The following CTNNA3 variants were observed in gnomAD, a reference collection of about 807,000 sequenced individuals.
CTNNA3 encodes catenin alpha-3.
CTNNA3 carries 76 observed loss-of-function variants against 95.7 expected under a neutral mutation model. The ratio of observed to expected loss-of-function variants is 0.79; its 90% confidence interval spans 0.66 to 0.96. The LOEUF (loss-of-function observed/expected upper bound fraction) is 0.96, where lower values mean the gene tolerates loss of function less well. Among genes scored for constraint, CTNNA3 ranks in the 40% least tolerant of loss-of-function variants. The pLI is 0.00. For synonymous variants in CTNNA3, 431 were observed against 374.4 expected (o/e 1.15, Z -1.74); for missense variants, 1,191 against 1,089.8 (o/e 1.09, Z -1.31).
chr10:67,738,983 G>A (rs935056558), intron 1 of CTNNA3, among the ~76,000 whole-genome samples: 1 of 152,232 alleles, frequency 6.6e-6, no homozygotes, highest in Non-Finnish European at 1.5e-5. Flanking sequence ...ACCTGAAAGT[G>A]ACGGGGAGAC....
chr10:66,963,910 T>C (rs1486268759), intron 7 of CTNNA3, among the ~76,000 whole-genome samples: 2 of 151,618 alleles, frequency 1.3e-5, no homozygotes, highest in Admixed American at 6.6e-5. Context: ...TGGCGCAATC[T>C]CGGTTCACTG....
chr10:67,176,467 G>A (rs10822995), intron 7 of CTNNA3, among the ~76,000 whole-genome samples: 55,623 of 152,064 alleles, frequency 0.37, 14,581 homozygotes, highest in African/African-American at 0.75. Context: ...CCTGCACAGA[G>A]CTTAAAGTGT....
intron 1 of CTNNA3, among the ~76,000 whole-genome samples, chr10:67,691,150 T>C (rs370083374): frequency 2.1e-4 from 32 of 152,212 alleles, no homozygotes; most frequent in East Asian, 1.9e-3. Flanking sequence ...AGCCTCGGCC[T>C]CCCAAGGTGC....
chr10:66,968,873 T>C (rs1206279700), intron 7 of CTNNA3, among the ~76,000 whole-genome samples: 2 of 151,862 alleles, frequency 1.3e-5, no homozygotes, highest in Admixed American at 1.3e-4. Context: ...AAAAATTAGC[T>C]GGGTGTGGTG....
At chr10:66,961,578 G>T (rs1849110748) in intron 7 of CTNNA3, among the ~76,000 whole-genome samples, 1 of 151,862 alleles carries the variant, frequency 6.6e-6, no homozygotes, top group Non-Finnish European at 1.5e-5. Flanking sequence ...CTTCTCTTTT[G>T]TGTGTAAATT....
At chr10:66,947,149 T>C (rs2132705152) in intron 7 of CTNNA3, among the ~76,000 whole-genome samples, 1 of 152,188 alleles carries the variant, frequency 6.6e-6, no homozygotes, top group Middle Eastern at 3.4e-3. Flanking sequence ...AGAAAAAACT[T>C]GCATAAACTA....
At chr10:66,585,856 T>A (rs1843344117) in intron 10 of CTNNA3, among the ~76,000 whole-genome samples, 1 of 152,148 alleles carries the variant, frequency 6.6e-6, no homozygotes, top group Non-Finnish European at 1.5e-5. Flanking sequence ...GTTTCCAGAA[T>A]TGTTTTTATG....
chr10:67,549,509 TTACTTTTCCCACCAATGA>T (rs1840953398), intron 3 of CTNNA3, among the ~76,000 whole-genome samples: 1 of 152,192 alleles, frequency 6.6e-6, no homozygotes, highest in South Asian at 2.1e-4. Context: ...TCCTTTCTTT[TTACTTTTCCCACCAATGA>T]TACATTCAGT....
intron 13 of CTNNA3, among the ~76,000 whole-genome samples, chr10:66,232,864 C>A (rs10822762): frequency 0.81 from 122,782 of 151,990 alleles, 49,923 homozygotes; most frequent in South Asian, 0.94. Context: ...CATCTGTCAA[C>A]AATCAATTTC....
At chr10:66,349,779 T>C (rs1040831970) in intron 12 of CTNNA3, among the ~76,000 whole-genome samples, 6 of 152,100 alleles carry the variant, frequency 3.9e-5, no homozygotes, top group Admixed American at 3.3e-4. Context: ...GGTGGTTTTA[T>C]GGTCATAAGT....
At chr10:66,132,805 A>C (rs1187851296) in intron 13 of CTNNA3, among the ~76,000 whole-genome samples, 1 of 152,178 alleles carries the variant, frequency 6.6e-6, no homozygotes, top group African/African-American at 2.4e-5. Flanking sequence ...GGAACCAAAA[A>C]CCAAATACCA....
At chr10:67,402,982 C>T (rs1378488877) in intron 5 of CTNNA3, among the ~76,000 whole-genome samples, 1 of 152,208 alleles carries the variant, frequency 6.6e-6, no homozygotes, top group Non-Finnish European at 1.5e-5. Context: ...AAATAAGACC[C>T]ACTGGCTTGG....
chr10:65,924,880 G>T (rs970831774), intron 17 of CTNNA3, among the ~76,000 whole-genome samples: 3 of 152,200 alleles, frequency 2.0e-5, no homozygotes, highest in African/African-American at 7.2e-5. Context: ...TGGCAGGCAA[G>T]AGAGTGTGTG....
chr10:66,285,757 T>C lies in CTNNA3; in HGVS notation c.1733-5136A>G, dbSNP rs1589032048. ...AATTCTCAAATGTTTAAATTATCAATACTATTTTTATTTATGTTATGTTAA... is the reference window on the plus strand; with the variant it reads ...AATTCTCAAATGTTTAAATTATCAACACTATTTTTATTTATGTTATGTTAA... On this transcript the variant is annotated intron_variant, in intron 12 of 17. Transcript: ENST00000433211. Among the ~76,000 whole-genome samples, 3 of 151,886 alleles carry C rather than the reference T, an allele frequency of 2.0e-5. No homozygotes were observed. In the South Asian group the frequency reaches 6.2e-4, roughly 31 times the overall value.
At chr10:66,966,278 A>T in intron 7 of CTNNA3, among the ~76,000 whole-genome samples, 1 of 152,234 alleles carries the variant, frequency 6.6e-6, no homozygotes, top group Middle Eastern at 3.4e-3. Context: ...TGTGTAGACA[A>T]TTAAATTAAT....
chr10:66,053,867 T>C (rs543211437), intron 15 of CTNNA3, among the ~76,000 whole-genome samples: 1 of 152,262 alleles, frequency 6.6e-6, no homozygotes, highest in African/African-American at 2.4e-5. Flanking sequence ...TTATTCCTTT[T>C]ACCCAACTAT....
At chr10:67,367,807 C>T (rs1240343561) in intron 5 of CTNNA3, among the ~76,000 whole-genome samples, 1 of 152,138 alleles carries the variant, frequency 6.6e-6, no homozygotes, top group Non-Finnish European at 1.5e-5. Context: ...AAACAGAAAA[C>T]CACATACTGT....
intron 1 of CTNNA3, among the ~76,000 whole-genome samples, chr10:67,726,605 T>TAATATAATATATATTATATTA (rs1564841333): frequency 1.1e-4 from 3 of 26,986 alleles, no homozygotes; most frequent in African/African-American, 4.3e-4. Context: ...ATATTACATA[T>TAATATAATATATATTATATTA]TATATAATAT....
intron 2 of CTNNA3, among the ~76,000 whole-genome samples, chr10:67,639,277 A>G (rs1323673823): frequency 3.3e-5 from 5 of 152,210 alleles, no homozygotes; most frequent in African/African-American, 1.2e-4. Context: ...AAATTCCTCG[A>G]CACATACACC....
Sources: allele counts gnomAD v4.1 joint callset (sites outside exome capture counted in the v4.1 genomes callset), GRCh38; gene constraint gnomAD v4.1.1; transcripts MANE v1.5; gene names NCBI Gene and HGNC (gene_info 2026-07-23, HGNC 2026-07-21).